Variants in YWHAE observed in about 807,000 individuals in gnomAD.
The protein encoded by YWHAE is tyrosine 3-monooxygenase/tryptophan 5-monooxygenase activation protein epsilon, also known as 14-3-3 protein epsilon.
In YWHAE, 4 loss-of-function variants were observed where a neutral mutation model predicts 30.1. The observed-to-expected ratio is 0.13, with a 90% confidence interval of 0.07 to 0.30. YWHAE has a LOEUF of 0.30. Among genes scored for constraint, YWHAE ranks in the 10% least tolerant of loss-of-function variants. The pLI is 1.00. For synonymous variants in YWHAE, 118 were observed against 111.8 expected (o/e 1.06, Z -0.35); for missense variants, 121 against 315.9 (o/e 0.38, Z 4.68).
intron 1 of YWHAE, among the ~76,000 whole-genome samples, chr17:1,389,793 G>T (rs1023798985): frequency 3.9e-5 from 6 of 151,944 alleles, no homozygotes; most frequent in South Asian, 2.1e-4. Context: ...GCCTCCCAAA[G>T]TCCTGGGATT....
chr17:1,366,233 T>TAAAATA (rs972226411), intron 1 of YWHAE, among the ~76,000 whole-genome samples: 27 of 147,416 alleles, frequency 1.8e-4, no homozygotes, highest in South Asian at 8.6e-4. Context: ...ATAGAATAAA[T>TAAAATA]AAAATAAAAA....
intron 5 of YWHAE, 106 bp from the exon 6 acceptor site, chr17:1,345,605 C>T: frequency 4.1e-6 from 5 of 1,213,546 alleles, no homozygotes; most frequent in South Asian, 2.5e-5. Context: ...CTACTTGCTA[C>T]AATTGGTATT....
At chr17:1,369,627 C>G (rs934268113) in intron 1 of YWHAE, 4 of 152,100 alleles carry the variant, frequency 2.6e-5, no homozygotes, top group African/African-American at 9.7e-5. Context: ...CCCATGTACC[C>G]GAACCCCAGC....
At chr17:1,373,107 G>C (rs1056287424) in intron 1 of YWHAE, among the ~76,000 whole-genome samples, 6 of 152,094 alleles carry the variant, frequency 3.9e-5, no homozygotes, top group Non-Finnish European at 7.4e-5. Flanking sequence ...GCCAGGCATG[G>C]GGGCGCGTGC....
chr17:1,393,303 C>A (rs932819912), intron 1 of YWHAE, among the ~76,000 whole-genome samples: 1 of 147,702 alleles, frequency 6.8e-6, no homozygotes, highest in Non-Finnish European at 1.5e-5. Flanking sequence ...CCTGGGTGAC[C>A]AAGTGAGACC....
chr17:1,384,976 A>T (rs1473860269), intron 1 of YWHAE, among the ~76,000 whole-genome samples: 1 of 151,626 alleles, frequency 6.6e-6, no homozygotes, highest in Non-Finnish European at 1.5e-5. Context: ...CTCCCAAAGA[A>T]ATTTTTTTTA....
intron 5 of YWHAE, among the ~76,000 whole-genome samples, chr17:1,351,411 A>C (rs962066262): frequency 6.6e-6 from 1 of 151,866 alleles, no homozygotes; most frequent in Non-Finnish European, 1.5e-5. Context: ...ACACAGAAAA[A>C]ACTTTCAAGT....
At position 1,396,185 on chromosome 17, in the gene YWHAE, T is replaced by G. The variant is rs568969321; in HGVS notation, c.64+3862A>C. 3.3e-5 allele frequency among the ~76,000 whole-genome samples: 5 copies of G among 150,178 alleles called. No individual in the cohort carries two copies. The South Asian group carries it at 8.5e-4, about 26-fold the overall frequency. ...CCTTAATGTCAGCACTTTGGGAGAC[T>G]GAGGTGGGCGGATCACCTGAGGTCG... On this transcript the variant is annotated intron_variant, in intron 1 of 5. Coordinates refer to ENST00000264335, the MANE Select transcript of YWHAE (RefSeq NM_006761.5).
rs538497835 is a variant in YWHAE at position 1,370,119 on chromosome 17, C to CTTT, written c.65-5064_65-5062dup. Among the ~76,000 whole-genome samples, 78 of 76,350 alleles carry CTTT rather than the reference C, an allele frequency of 1.0e-3. 1 individual carries two copies. The highest frequency in any genetic ancestry group is 1.6e-3 in the South Asian group (3 of 1,834). The allele number at this position is 76,350 out of a possible 152,430, so 50.1% of individuals were successfully genotyped here. On this transcript the variant is annotated intron_variant, in intron 1 of 5. Transcript: ENST00000264335. Reference sequence around the variant, plus strand: ...TGGACAGCATTTACCCACAGAAAAACTTTTTTTTTTTTTTTTTTTTTTTTT... The same window carrying CTTT: ...TGGACAGCATTTACCCACAGAAAAACTTTTTTTTTTTTTTTTTTTTTTTTTTTT...
chr17:1,370,488 T>TG (rs1361044675), intron 1 of YWHAE, among the ~76,000 whole-genome samples: 1 of 148,296 alleles, frequency 6.7e-6, no homozygotes, highest in Admixed American at 6.7e-5. Flanking sequence ...GCCCAGGCAG[T>TG]GGCACAATCT....
At chr17:1,386,801 A>C (rs547365189) in intron 1 of YWHAE, among the ~76,000 whole-genome samples, 20 of 152,282 alleles carry the variant, frequency 1.3e-4, no homozygotes, top group African/African-American at 4.6e-4. Context: ...AGAAAAAACA[A>C]AAATTAGCCA....
intron 5 of YWHAE, among the ~76,000 whole-genome samples, chr17:1,347,475 T>TC (rs769268752): frequency 1.3e-4 from 19 of 151,946 alleles, no homozygotes; most frequent in Non-Finnish European, 2.1e-4. Flanking sequence ...AGAGCAAAAC[T>TC]CCGTCTCAAA....
At chr17:1,360,438 C>G (rs948328461) in intron 4 of YWHAE, among the ~76,000 whole-genome samples, 1 of 152,046 alleles carries the variant, frequency 6.6e-6, no homozygotes, top group South Asian at 2.1e-4. Flanking sequence ...ATGTTTGCTA[C>G]GAGAGTAACT....
intron 1 of YWHAE, among the ~76,000 whole-genome samples, chr17:1,388,116 TGG>T (rs774136002): frequency 0.01 from 483 of 47,472 alleles, 21 homozygotes; most frequent in African/African-American, 0.022. Context: ...TTTTTTTGGT[TGG>T]TTTTTTTTTT....
At chr17:1,361,856 G>T (rs767238249) in intron 3 of YWHAE, 46 bp downstream of exon 3, 2 of 1,339,264 alleles carry the variant, frequency 1.5e-6, no homozygotes, top group Non-Finnish European at 1.0e-6. Flanking sequence ...GGTTCTAAAA[G>T]GACCAACTTT....
intron 1 of YWHAE, among the ~76,000 whole-genome samples, chr17:1,387,424 T>C (rs1158298464): frequency 6.6e-6 from 1 of 152,214 alleles, no homozygotes; most frequent in African/African-American, 2.4e-5. Flanking sequence ...TGAATCTTTT[T>C]ACAGTTTTTA....
chr17:1,369,066 G>C (rs1165779005), intron 1 of YWHAE, among the ~76,000 whole-genome samples: 2 of 152,168 alleles, frequency 1.3e-5, no homozygotes, highest in Admixed American at 6.5e-5. Context: ...TACTGTTCCA[G>C]ATTCAAGCAT....
chr17:1,348,700 A>T (rs2072565982), intron 5 of YWHAE, among the ~76,000 whole-genome samples: 1 of 152,186 alleles, frequency 6.6e-6, no homozygotes. Context: ...GATTACAGGC[A>T]GGCACCATTG....
At chr17:1,387,448 G>A (rs540729622) in intron 1 of YWHAE, among the ~76,000 whole-genome samples, 2 of 152,260 alleles carry the variant, frequency 1.3e-5, no homozygotes, top group Admixed American at 6.5e-5. Context: ...AATTAGAAAA[G>A]ACACTGAAAC....
Sources: allele counts gnomAD v4.1 joint callset (sites outside exome capture counted in the v4.1 genomes callset), GRCh38; gene constraint gnomAD v4.1.1; transcripts MANE v1.5; gene names NCBI Gene and HGNC (gene_info 2026-07-23, HGNC 2026-07-21).